Variants in UNC5CL observed in about 807,000 individuals in gnomAD.
UNC5CL encodes unc-5 family C-terminal like.
In UNC5CL, 42 loss-of-function variants were observed where a neutral mutation model predicts 54.1. The ratio of observed to expected loss-of-function variants is 0.78; its 90% CI spans 0.61 to 1.00. The LOEUF (loss-of-function observed/expected upper bound fraction) is 1.00, where lower values mean the gene tolerates loss of function less well. UNC5CL is among the 50% of genes least tolerant of loss of function. The pLI is 0.00. For synonymous variants in UNC5CL, 285 were observed against 285.1 expected (o/e 1.00, Z 0.00); for missense variants, 619 against 675.6 (o/e 0.92, Z 0.93).
Position 41,030,717 on chromosome 6 carries a change from C to T in UNC5CL, c.1158G>A (p.Gln386=). 1 of 1,614,074 alleles carries T rather than the reference C, an allele frequency of 6.2e-7. No individual in the cohort carries two copies. Among genetic ancestry groups the T allele is most frequent in the Non-Finnish European group, 8.5e-7 (1 of 1,180,008 alleles). Residue 386 remains glutamine (Q), a synonymous_variant, in exon 7 of 9, where the codon CAG becomes CAA. Transcript: ENST00000244565. The part of the protein sequence containing the change: ...ETKYMEILRF[Q]ASEEESWAAP... ...CTGCCCAGGATTCCTCCTCTGATGCCTGGAATCTGAGGATTTCCATATACT... is the reference window on the plus strand; with the variant it reads ...CTGCCCAGGATTCCTCCTCTGATGCTTGGAATCTGAGGATTTCCATATACT...
chr6:41,032,209 G>T, intron 4 of UNC5CL, 72 bp from the exon 5 acceptor site: 1 of 1,255,212 alleles, frequency 8.0e-7, no homozygotes, highest in Non-Finnish European at 1.2e-6. Context: ...GGGCTGTGGG[G>T]AGGCATGAGG....
At position 41,035,178 on chromosome 6, in the gene UNC5CL, A is replaced by G. The variant is rs1483064379; in HGVS notation, c.-61-43T>C. On this transcript the variant is annotated intron_variant, in intron 1 of 8. Transcript: ENST00000244565. ...GTCAGTGTCAGGGTAAGCCCTTTTAAGTTGTGGAGGTCAAGGCTTGGCTTA... is the reference window on the plus strand; with the variant it reads ...GTCAGTGTCAGGGTAAGCCCTTTTAGGTTGTGGAGGTCAAGGCTTGGCTTA... 4.9e-6 allele frequency: 7 copies of G among 1,438,020 alleles called. No individual in the cohort carries two copies. The East Asian group carries it at 1.6e-4, about 34-fold the overall frequency. The allele number at this position is 1,438,020 out of a possible 1,614,324, so 89.1% of individuals were successfully genotyped here.
In UNC5CL at chr6:41,028,677, A is replaced by T; in HGVS notation, c.1335-82T>A. The T allele has an allele frequency of 7.3e-7, 1 of 1,370,212 alleles. No homozygotes were observed. Among genetic ancestry groups the T allele is most frequent in the Non-Finnish European group, 1.0e-6 (1 of 994,150 alleles). 84.9% of individuals were successfully genotyped at this position (1,370,212 alleles called of 1,614,324 possible). ...CTGCTGCAGGCTCCCTGGGCTGCGC[A>T]GCGCAAGGTCCGTCCCTTCCCCATC... is the stretch of plus-strand genomic sequence containing the variant. On this transcript the variant is annotated intron_variant, in intron 8 of 8. Transcript: ENST00000244565. This position sits in a 1 kb window ranked among gnomAD's most constrained non-coding sequence, Gnocchi z 4.3.
rs763548927 is a variant in UNC5CL, at chr6:41,028,457, C to T, written c.1473G>A (p.Leu491=). ...LDCASAIQNY[L]SGTHGGSPGP... ...CTGGGCTGCCGCCGTGTGTCCCACTCAGGTAGTTCTGGATGGCGGAGGCGC... is the reference window on the plus strand; with the variant it reads ...CTGGGCTGCCGCCGTGTGTCCCACTTAGGTAGTTCTGGATGGCGGAGGCGC... Residue 491 remains leucine, a synonymous_variant, in exon 9 of 9, where the codon CTG becomes CTA. Coordinates refer to ENST00000244565, the MANE Select transcript of UNC5CL (RefSeq NM_173561.3). The surrounding 1 kb of genome is among the most constrained non-coding windows in gnomAD (Gnocchi z 4.3). 1.9e-5 allele frequency: 30 copies of T among 1,613,814 alleles called. No homozygotes were observed. The highest frequency in any genetic ancestry group is 2.4e-5 in the Non-Finnish European group (28 of 1,179,974).
chr6:41,028,629 A>G lies in UNC5CL; in HGVS notation c.1335-34T>C, dbSNP rs959974035. On this transcript the variant is annotated intron_variant, in intron 8 of 8. Coordinates refer to ENST00000244565, the MANE Select transcript of UNC5CL (RefSeq NM_173561.3). This position sits in a 1 kb window ranked among gnomAD's most constrained non-coding sequence, Gnocchi z 4.3. ...AGGTAGGGGAGGAAGAGAAGGGTGT[A>G]GGAGCAGGGAGGGGCTCCCCCCCTG... The G allele has an allele frequency of 1.3e-6, 2 of 1,592,298 alleles. No homozygotes were observed. The highest frequency in any genetic ancestry group is 1.7e-5 in the Admixed American group (1 of 59,452).
chr6:41,038,887 T>C (rs1055819934), intron 1 of UNC5CL, among the ~76,000 whole-genome samples: 3 of 152,170 alleles, frequency 2.0e-5, no homozygotes, highest in Non-Finnish European at 4.4e-5. Flanking sequence ...AGATGTCCAG[T>C]TACTGCAGAA....
Position 41,031,719 on chromosome 6 carries a change from T to C in UNC5CL, c.1081A>G (p.Thr361Ala). The change falls in exon 6 of 9, where the codon ACC becomes GCC. Residue 361 changes from threonine to alanine, a missense_variant. Transcript: ENST00000244565. Reference protein sequence around the residue: ...ADENEDCSALTNEIIVTMHTF... With the variant: ...ADENEDCSALANEIIVTMHTF... ...TGCATGGTGACAATGATCTCATTGG[T>C]TAGTGCTGAACAGTCCTCATTCTCA... 6.2e-7 allele frequency: 1 copy of C among 1,614,180 alleles called. No homozygotes were observed. The highest frequency in any genetic ancestry group is 8.5e-7 in the Non-Finnish European group (1 of 1,180,028).
Position 41,028,277 on chromosome 6 carries a change from G to T in UNC5CL, c.*96C>A, listed in dbSNP as rs1762411505. The T allele has an allele frequency of 7.8e-7, 1 of 1,281,046 alleles. No individual in the cohort carries two copies. The highest frequency in any genetic ancestry group is 1.0e-6 in the Non-Finnish European group (1 of 953,036). 79.4% of individuals were successfully genotyped at this position (1,281,046 alleles called of 1,614,324 possible). On this transcript the variant is annotated 3_prime_UTR_variant, in exon 9 of 9. Coordinates refer to ENST00000244565, the MANE Select transcript of UNC5CL (RefSeq NM_173561.3). This position sits in a 1 kb window ranked among gnomAD's most constrained non-coding sequence, Gnocchi z 4.3. The stretch of plus-strand genomic sequence containing the variant: ...CCGTCCGAGGGTTCTGGGAAGGGTG[G>T]TGGGCACAGCCAGGAACAGCTGCTG...
At chr6:41,033,771 G>T in intron 3 of UNC5CL, 110 bp downstream of exon 3, 1 of 1,288,022 alleles carries the variant, frequency 7.8e-7, no homozygotes, top group Non-Finnish European at 1.1e-6. Flanking sequence ...AGGATTTGCA[G>T]ACCATCTTCT....
At position 41,031,727 on chromosome 6, in the gene UNC5CL, G is replaced by C. The variant is rs751942124; in HGVS notation, c.1073C>G (p.Ser358Ter). The stretch of plus-strand genomic sequence containing the variant: ...GACAATGATCTCATTGGTTAGTGCT[G>C]AACAGTCCTCATTCTCATCGGCTAT... ...RKAADENEDC[S>*]ALTNEIIVTM... Residue 358 changes from serine (S) to a stop codon, truncating the protein, a stop_gained, in exon 6 of 9, where the codon TCA becomes TGA. Transcript: ENST00000244565. LOFTEE classifies it high-confidence loss of function. 34 of 1,614,168 alleles carry C rather than the reference G, an allele frequency of 2.1e-5. No homozygotes were observed. Among genetic ancestry groups the C allele is most frequent in the Non-Finnish European group, 2.8e-5 (33 of 1,180,034 alleles).
chr6:41,032,207 G>C, intron 4 of UNC5CL, 70 bp from the exon 5 acceptor site: 1 of 1,309,568 alleles, frequency 7.6e-7, no homozygotes. Context: ...GGGGGCTGTG[G>C]GGAGGCATGA....
Position 41,032,127 on chromosome 6 carries a change from A to C in UNC5CL, c.960T>G (p.Asn320Lys). 1 of 1,614,168 alleles carries C rather than the reference A, an allele frequency of 6.2e-7. No individual in the cohort carries two copies. The highest frequency in any genetic ancestry group is 8.5e-7 in the Non-Finnish European group (1 of 1,180,020). Residue 320 changes from asparagine to lysine, a missense_variant, in exon 5 of 9, where the codon AAT becomes AAG. Transcript: ENST00000244565. ...KLTYISEGWENVDDSSCQLVP... is the reference protein window; with the variant it reads ...KLTYISEGWEKVDDSSCQLVP... ...CCAGCTGGCAACTGCTGTCATCCAC[A>C]TTCTCCCAACCTGGTGAGTAGGCAG...
chr6:41,030,260 G>T, intron 8 of UNC5CL, 128 bp downstream of exon 8: 1 of 797,984 alleles, frequency 1.3e-6, no homozygotes. Flanking sequence ...GGGAAATAGG[G>T]TGGACAGTAG....
intron 8 of UNC5CL, 23 bp downstream of exon 8, chr6:41,030,365 A>G (rs1282911503): frequency 6.2e-7 from 1 of 1,612,244 alleles, no homozygotes; most frequent in African/African-American, 1.3e-5. Context: ...TCTACCATCC[A>G]CAGACCTCAC....
At chr6:41,032,764 A>G (rs1473613984) in intron 4 of UNC5CL, 120 bp downstream of exon 4, 18 of 1,346,490 alleles carry the variant, frequency 1.3e-5, no homozygotes, top group African/African-American at 3.0e-5. Context: ...CCATCTCGGG[A>G]AAAAAAAAGA....
chr6:41,035,172 C>A (rs1762509910), intron 1 of UNC5CL, 37 bp from the exon 2 acceptor site: 1 of 1,463,312 alleles, frequency 6.8e-7, no homozygotes, highest in African/African-American at 1.4e-5. Context: ...AGGGTAAGCC[C>A]TTTTAAGTTG....
Position 41,034,052 on chromosome 6 carries a change from G to A in UNC5CL, c.515C>T (p.Ser172Phe), listed in dbSNP as rs1762488082. The A allele has an allele frequency of 6.2e-7, 1 of 1,614,208 alleles. No homozygotes were observed. Among genetic ancestry groups the A allele is most frequent in the Non-Finnish European group, 8.5e-7 (1 of 1,180,026 alleles). Residue 172 changes from serine (S) to phenylalanine (F), a missense_variant, in exon 3 of 9, where the codon TCC (serine) becomes TTC (phenylalanine). Ser to Phe is a radical substitution (Grantham distance 155). Coordinates refer to ENST00000244565, the MANE Select transcript of UNC5CL (RefSeq NM_173561.3). ...CGTGAGAGTGCAAGGCTTCAGGAAGGAGGCCCCATGGGGGCCACATGCCAC... is the reference window on the plus strand; with the variant it reads ...CGTGAGAGTGCAAGGCTTCAGGAAGAAGGCCCCATGGGGGCCACATGCCAC... Reference protein sequence around the residue: ...PVVACGPHGASFLKPCTLTFK... With the variant: ...PVVACGPHGAFFLKPCTLTFK...
chr6:41,030,323 G>GGAT, intron 8 of UNC5CL, 65 bp downstream of exon 8: 1 of 1,484,530 alleles, frequency 6.7e-7, no homozygotes. Context: ...TCTCCAGAGT[G>GGAT]TCCTGAGGAA....
At position 41,034,771 on chromosome 6, in the gene UNC5CL, C is replaced by T. The variant is rs554681407; in HGVS notation, c.304G>A (p.Val102Met). 1.7e-5 allele frequency: 28 copies of T among 1,613,824 alleles called. No homozygotes were observed. The highest frequency in any genetic ancestry group is 1.5e-4 in the South Asian group (14 of 91,090). ...TGATCCACCTCTCGAGCCGAAAACA[C>T]CAACAGTTTGTGCATCAACTGGCGG... Reference protein sequence around the residue: ...MVRQLMHKLLVFSAREVDHRG... With the variant: ...MVRQLMHKLLMFSAREVDHRG... Residue 102 changes from valine to methionine, a missense_variant, in exon 2 of 9, where the codon GTG becomes ATG. By Grantham distance (21) the Val-to-Met change is conservative. Transcript: ENST00000244565.
Sources: allele counts gnomAD v4.1 joint callset (sites outside exome capture counted in the v4.1 genomes callset), GRCh38; gene constraint gnomAD v4.1.1; non-coding constraint Gnocchi (gnomAD v3.1); transcripts MANE v1.5; gene names NCBI Gene and HGNC (gene_info 2026-07-23, HGNC 2026-07-21).